The following CRACD variants were observed in gnomAD, a reference collection of about 807,000 sequenced individuals.
CRACD encodes capping protein inhibiting regulator of actin dynamics.
A neutral mutation model predicts 106.8 loss-of-function variants in CRACD; 56 were observed. The ratio of observed to expected loss-of-function variants is 0.52; its 90% confidence interval spans 0.42 to 0.66. The LOEUF (loss-of-function observed/expected upper bound fraction) is 0.66, where lower values mean the gene tolerates loss of function less well. Among genes scored for constraint, CRACD ranks in the 30% least tolerant of loss-of-function variants. CRACD has a pLI of 0.00. For synonymous variants in CRACD, 754 were observed against 670.8 expected, an observed-to-expected ratio of 1.12 and a Z score of -1.92; for missense variants, 1,730 against 1,623.2, an observed-to-expected ratio of 1.07 and a Z score of -1.13.
chr4:56,315,613 A>C lies in CRACD; in HGVS notation c.2111A>C (p.Asp704Ala). The change falls in exon 8 of 11, where the codon GAT becomes GCT. Residue 704 changes from aspartate to alanine, a missense_variant. Coordinates refer to ENST00000682029, the MANE Select transcript of CRACD (RefSeq NM_001393381.1). This position sits in a 1 kb window ranked among gnomAD's most constrained non-coding sequence, Gnocchi z 4.1. ...GAGTCCACTCCCAGGGGCCGGTGTG[A>C]TTCCCGCGGGAACCAACGGAAGACT... is the stretch of plus-strand genomic sequence containing the variant. ...GDESTPRGRC[D>A]SRGNQRKTPP... 1.9e-6 allele frequency: 3 copies of C among 1,614,180 alleles called. No individual in the cohort carries two copies. The highest frequency in any genetic ancestry group is 2.5e-6 in the Non-Finnish European group (3 of 1,180,030).
chr4:56,141,097 C>A (rs1331266065), intron 1 of CRACD, among the ~76,000 whole-genome samples: 1 of 152,204 alleles, frequency 6.6e-6, no homozygotes, highest in Non-Finnish European at 1.5e-5. Context: ...GGCTTAGCTT[C>A]TCTTCAGTGT....
chr4:56,236,787 G>A (rs902074236), intron 2 of CRACD, among the ~76,000 whole-genome samples: 6 of 148,580 alleles, frequency 4.0e-5, no homozygotes, highest in Non-Finnish European at 7.4e-5. Flanking sequence ...CATGAGAAAA[G>A]TTAAAAAGCC....
intron 1 of CRACD, among the ~76,000 whole-genome samples, chr4:56,115,619 C>G (rs1380565566): frequency 6.6e-6 from 1 of 152,072 alleles, no homozygotes; most frequent in Non-Finnish European, 1.5e-5. Context: ...AATGGAGATT[C>G]AAAGAGGTTA....
At chr4:56,325,058 G>A (rs1348449930) in intron 10 of CRACD, among the ~76,000 whole-genome samples, 1 of 152,180 alleles carries the variant, frequency 6.6e-6, no homozygotes, top group Non-Finnish European at 1.5e-5. Context: ...ATGTGGGCCA[G>A]GTATGGTGGC....
At position 56,315,433 on chromosome 4, in the gene CRACD, A is replaced by G. The variant is rs1273218712; in HGVS notation, c.1931A>G (p.Asp644Gly). The change falls in exon 8 of 11, where the codon GAC becomes GGC. Residue 644 changes from aspartate to glycine, a missense_variant. Physicochemically the swap from Asp to Gly is moderately conservative, Grantham distance 94. Around this residue, in one of 5 missense-constraint regions of CRACD, gnomAD observed 1,620 missense variants for 1,481.6 expected, o/e 1.09. Coordinates refer to ENST00000682029, the MANE Select transcript of CRACD (RefSeq NM_001393381.1). The surrounding 1 kb of genome is among the most constrained non-coding windows in gnomAD (Gnocchi z 4.1). ...AGENPPRGPG[D>G]ARAGSGKAKP... Reference sequence around the variant, plus strand: ...GAGAACCCTCCCCGAGGCCCCGGCGACGCGAGGGCGGGCAGCGGGAAGGCT... The same window carrying G: ...GAGAACCCTCCCCGAGGCCCCGGCGGCGCGAGGGCGGGCAGCGGGAAGGCT... 1.9e-6 allele frequency: 3 copies of G among 1,612,634 alleles called. No homozygotes were observed. The highest frequency in any genetic ancestry group is 2.5e-6 in the Non-Finnish European group (3 of 1,179,682).
chr4:56,314,815 C>G lies in CRACD; in HGVS notation c.1313C>G (p.Pro438Arg). ...CTCGAAGACCAGGAACGCCTGAAAC[C>G]CGAAGGACAAAGAGAACACTCCGAG... is the stretch of plus-strand genomic sequence containing the variant. ...ERLEDQERLK[P>R]EGQREHSEEP... The change falls in exon 8 of 11, where the codon CCC (proline) becomes CGC (arginine). Residue 438 changes from proline (P) to arginine (R), a missense_variant. Around this residue, in one of 5 missense-constraint regions of CRACD, gnomAD observed 1,620 missense variants for 1,481.6 expected, o/e 1.09. Transcript: ENST00000682029. The surrounding 1 kb of genome is among the most constrained non-coding windows in gnomAD (Gnocchi z 4.4). 1.2e-6 allele frequency: 2 copies of G among 1,609,054 alleles called. No homozygotes were observed. The highest frequency in any genetic ancestry group is 1.7e-6 in the Non-Finnish European group (2 of 1,178,536).
intron 1 of CRACD, among the ~76,000 whole-genome samples, chr4:56,065,317 A>G (rs946535743): frequency 6.6e-6 from 1 of 151,824 alleles, no homozygotes; most frequent in African/African-American, 2.4e-5. Context: ...CAAAATCCTC[A>G]CCTCAGGTGA....
At chr4:56,162,456 C>G (rs917939509) in intron 1 of CRACD, among the ~76,000 whole-genome samples, 1 of 152,166 alleles carries the variant, frequency 6.6e-6, no homozygotes, top group Non-Finnish European at 1.5e-5. Flanking sequence ...ATCCTCCCAC[C>G]TTGGCCTGCC....
intron 1 of CRACD, among the ~76,000 whole-genome samples, 175 bp downstream of exon 1, chr4:56,049,474 C>T (rs1011685038): frequency 6.6e-6 from 1 of 152,052 alleles, no homozygotes; most frequent in African/African-American, 2.4e-5. Context: ...GCGGTGTCCC[C>T]ATGTGGGAGG....
chr4:56,066,508 A>C (rs1368769793), intron 1 of CRACD, among the ~76,000 whole-genome samples: 1 of 152,116 alleles, frequency 6.6e-6, no homozygotes, highest in Non-Finnish European at 1.5e-5. Context: ...ATGCCACTGC[A>C]CTCCAGCTTG....
At chr4:56,184,213 G>A (rs1736986971) in intron 2 of CRACD, among the ~76,000 whole-genome samples, 1 of 152,152 alleles carries the variant, frequency 6.6e-6, no homozygotes, top group Non-Finnish European at 1.5e-5. Context: ...TGGGACTACA[G>A]GCATGTGCCA....
intron 6 of CRACD, among the ~76,000 whole-genome samples, chr4:56,312,281 T>C (rs2049088): frequency 0.83 from 126,495 of 152,034 alleles, 52,949 homozygotes; most frequent in Non-Finnish European, 0.88. Context: ...ATGCATCAGC[T>C]TCCCCAGCTG....
At chr4:56,074,176 T>G (rs1482416558) in intron 1 of CRACD, among the ~76,000 whole-genome samples, 5 of 152,232 alleles carry the variant, frequency 3.3e-5, no homozygotes, top group Non-Finnish European at 7.3e-5. Flanking sequence ...GAGCTCTTTT[T>G]TGGTTCCATA....
chr4:56,304,654 C>T (rs1273572020), intron 4 of CRACD, among the ~76,000 whole-genome samples: 1 of 152,064 alleles, frequency 6.6e-6, no homozygotes, highest in Non-Finnish European at 1.5e-5. Context: ...TGGTGGTGTG[C>T]ATCTGTAGTC....
At chr4:56,279,550 T>C (rs976189357) in intron 3 of CRACD, among the ~76,000 whole-genome samples, 2 of 151,640 alleles carry the variant, frequency 1.3e-5, no homozygotes, top group Non-Finnish European at 2.9e-5. Context: ...AAAATGCTCA[T>C]CATCACTGGC....
intron 1 of CRACD, among the ~76,000 whole-genome samples, chr4:56,095,089 C>T (rs771499692): frequency 2.0e-4 from 30 of 152,222 alleles, no homozygotes; most frequent in African/African-American, 1.7e-4. Flanking sequence ...TGGGTGCTCG[C>T]GCCTGTAATC....
chr4:56,198,640 A>G (rs1387471703), intron 2 of CRACD, among the ~76,000 whole-genome samples: 1 of 152,124 alleles, frequency 6.6e-6, no homozygotes. Context: ...GAGTTATTTC[A>G]CAAGTACCAT....
At chr4:56,152,521 TC>T (rs1735617196) in intron 1 of CRACD, among the ~76,000 whole-genome samples, 1 of 151,616 alleles carries the variant, frequency 6.6e-6, no homozygotes, top group South Asian at 2.1e-4. Flanking sequence ...ACACCTGTAG[TC>T]CCAGCTACTG....
intron 1 of CRACD, among the ~76,000 whole-genome samples, chr4:56,071,122 C>A (rs948577783): frequency 2.0e-5 from 3 of 152,070 alleles, no homozygotes; most frequent in Non-Finnish European, 2.9e-5. Flanking sequence ...GGCATGATAG[C>A]CCTATTTGTA....
Sources: gnomAD v4.1 joint callset for allele counts (sites outside exome capture counted in the v4.1 genomes callset) on GRCh38, gnomAD v4.1.1 for gene constraint, gnomAD v4.1.1 regional missense constraint, Gnocchi (gnomAD v3.1) non-coding constraint, MANE v1.5 for transcripts, NCBI Gene and HGNC (gene_info 2026-07-23, HGNC 2026-07-21) for gene names.